Variants in IL1RAPL1 observed in about 807,000 individuals in gnomAD.
IL1RAPL1 encodes interleukin-1 receptor accessory protein-like 1.
In IL1RAPL1, 3 loss-of-function variants were observed where a neutral mutation model predicts 48.4. The observed-to-expected ratio is 0.06, with a 90% CI of 0.03 to 0.16. The LOEUF (loss-of-function observed/expected upper bound fraction) is 0.16. Ranked by LOEUF, IL1RAPL1 falls within the 10% of genes least tolerant of loss-of-function variation. The probability of loss-of-function intolerance (pLI) is 1.00; values close to 1 mark genes in which losing one functional copy is unlikely to be tolerated. For synonymous variants in IL1RAPL1, 185 were observed against 187.7 expected (o/e 0.99, Z 0.12); for missense variants, 349 against 530.6 (o/e 0.66, Z 3.36).
chrX:29,317,492 A>G (rs1932774426), intron 3 of IL1RAPL1, among the ~76,000 whole-genome samples: 1 of 112,230 alleles, frequency 8.9e-6, no homozygotes, highest in Admixed American at 9.5e-5. Flanking sequence ...TTAGAATAGC[A>G]TCTACAGATA....
intron 5 of IL1RAPL1, among the ~76,000 whole-genome samples, chrX:29,562,836 A>AGT (rs1922282292): frequency 1.8e-5 from 2 of 111,966 alleles, no homozygotes; most frequent in Non-Finnish European, 3.8e-5. Flanking sequence ...ACAGATAAAA[A>AGT]GGCTTTCATT....
chrX:29,317,523 T>C (rs1237813667), intron 3 of IL1RAPL1, among the ~76,000 whole-genome samples: 4 of 112,325 alleles, frequency 3.6e-5, no homozygotes, highest in Admixed American at 2.8e-4. Context: ...GGATAAAAAT[T>C]GTAACTGTGA....
At position 29,418,090 on chromosome X, in the gene IL1RAPL1, AATATATATATATAT is replaced by A. The variant is rs1184407912; in HGVS notation, c.703+18805_703+18818del. The stretch of plus-strand genomic sequence containing the variant: ...AGAAACGTGTTCTTTTTAAAAAAGT[AATATATATATATAT>A]ATATATATATATATATATATATTTT... On this transcript the variant is annotated intron_variant, in intron 5 of 10. Coordinates refer to ENST00000378993, the MANE Select transcript of IL1RAPL1 (RefSeq NM_014271.4). Among the ~76,000 whole-genome samples the A allele has an allele frequency of 2.8e-3, 141 of 50,981 alleles. 4 individuals carry two copies. The highest frequency in any genetic ancestry group is 3.8e-3 in the Non-Finnish European group (118 of 31,240). The allele number at this position is 50,981 out of a possible 115,157, so 44.3% of individuals were successfully genotyped here.
chrX:29,235,351 C>T (rs1321625556), intron 2 of IL1RAPL1, among the ~76,000 whole-genome samples: 2 of 111,625 alleles, frequency 1.8e-5, no homozygotes, highest in East Asian at 5.6e-4. Flanking sequence ...CCAGGCTTTT[C>T]TCTTTGAATT....
chrX:29,652,712 G>C (rs905081060), intron 5 of IL1RAPL1, among the ~76,000 whole-genome samples: 1 of 111,725 alleles, frequency 9.0e-6, no homozygotes, highest in Non-Finnish European at 1.9e-5. Context: ...GCCAAGATGA[G>C]CAAAGCCACA....
chrX:29,810,365 A>G (rs1280120970), intron 6 of IL1RAPL1, among the ~76,000 whole-genome samples: 2 of 109,055 alleles, frequency 1.8e-5, no homozygotes, highest in Non-Finnish European at 3.8e-5. Flanking sequence ...AATTTTTTGT[A>G]TTTTTAGTAG....
At chrX:29,198,718 C>CA (rs1259124547) in intron 2 of IL1RAPL1, among the ~76,000 whole-genome samples, 1 of 111,443 alleles carries the variant, frequency 9.0e-6, no homozygotes, top group Non-Finnish European at 1.9e-5. Flanking sequence ...CAGTATTTCT[C>CA]AGAGTGGCTT....
intron 6 of IL1RAPL1, among the ~76,000 whole-genome samples, chrX:29,801,736 A>G (rs187459084): frequency 8.9e-6 from 1 of 111,955 alleles, no homozygotes; most frequent in African/African-American, 3.2e-5. Context: ...GTCCTTAACT[A>G]AGATCGATCA....
chrX:29,338,196 G>A (rs923099945), intron 3 of IL1RAPL1, among the ~76,000 whole-genome samples: 1 of 110,827 alleles, frequency 9.0e-6, no homozygotes, highest in African/African-American at 3.3e-5. Flanking sequence ...TAAAGTGTGT[G>A]AGAGGCATAT....
At chrX:29,286,227 C>T (rs1480336891) in intron 3 of IL1RAPL1, among the ~76,000 whole-genome samples, 1 of 111,764 alleles carries the variant, frequency 8.9e-6, no homozygotes, top group Admixed American at 9.5e-5. Context: ...TAATACCACA[C>T]AATTCTTTGC....
At chrX:29,527,326 CTTTTTTTTTTTTTTTTTTTTTTTTTT>C (rs61003668) in intron 5 of IL1RAPL1, among the ~76,000 whole-genome samples, 4 of 25,566 alleles carry the variant, frequency 1.6e-4, no homozygotes, top group Admixed American at 1.5e-3. Flanking sequence ...GGGAAGGACT[CTTTTTTTTTTTTTTTTTTTTTTTTTT>C]TTTTGAGACG....
intron 6 of IL1RAPL1, among the ~76,000 whole-genome samples, chrX:29,791,231 A>C (rs755094495): frequency 5.5e-5 from 6 of 110,021 alleles, no homozygotes; most frequent in African/African-American, 6.6e-5. Context: ...CCCCAACCCC[A>C]TTACAAGTTT....
At chrX:28,952,806 A>C (rs1471079831) in intron 2 of IL1RAPL1, among the ~76,000 whole-genome samples, 1 of 111,709 alleles carries the variant, frequency 9.0e-6, no homozygotes, top group African/African-American at 3.2e-5. Context: ...ACAAAGGCAG[A>C]TCTTCAATAT....
At chrX:29,041,877 C>G (rs940230932) in intron 2 of IL1RAPL1, among the ~76,000 whole-genome samples, 1 of 111,803 alleles carries the variant, frequency 8.9e-6, no homozygotes, top group African/African-American at 3.2e-5. Flanking sequence ...ATAATATCCT[C>G]CTTATCGAAA....
At chrX:29,288,388 C>T (rs985887507) in intron 3 of IL1RAPL1, among the ~76,000 whole-genome samples, 7 of 111,387 alleles carry the variant, frequency 6.3e-5, no homozygotes, top group African/African-American at 2.3e-4. Context: ...TCAGTTCCTA[C>T]TTATAAGCGA....
At chrX:29,045,354 A>G (rs1297243763) in intron 2 of IL1RAPL1, among the ~76,000 whole-genome samples, 1 of 112,679 alleles carries the variant, frequency 8.9e-6, no homozygotes, top group African/African-American at 3.2e-5. Context: ...GAGTAAATGA[A>G]AACATGGCAA....
intron 2 of IL1RAPL1, among the ~76,000 whole-genome samples, chrX:28,813,162 T>C: frequency 8.9e-6 from 1 of 111,747 alleles, no homozygotes; most frequent in African/African-American, 3.2e-5. Flanking sequence ...CAGATATTCC[T>C]TCTTTTCTAA....
At position 28,888,583 on chromosome X, in the gene IL1RAPL1, T is replaced by G. The variant is rs111779007; in HGVS notation, c.82+99158T>G. Among the ~76,000 whole-genome samples, 532 of 110,983 alleles carry G rather than the reference T, an allele frequency of 4.8e-3. 2 individuals are homozygous for G. The highest frequency in any genetic ancestry group is 0.017 in the African/African-American group (512 of 30,550). ...CATGTTTCATCATAAATGGGAGAAA[T>G]AATACTGGAGTTGTGGAGGCAGGGG... On this transcript the variant is annotated intron_variant, in intron 2 of 10. Transcript: ENST00000378993.
chrX:29,859,315 C>T (rs1432932980), intron 6 of IL1RAPL1, among the ~76,000 whole-genome samples: 1 of 111,871 alleles, frequency 8.9e-6, no homozygotes, highest in Non-Finnish European at 1.9e-5. Flanking sequence ...CATCCAGTCA[C>T]CTAAATTAAG....
Sources: allele counts gnomAD v4.1 joint callset (sites outside exome capture counted in the v4.1 genomes callset), GRCh38; gene constraint gnomAD v4.1.1; transcripts MANE v1.5; gene names NCBI Gene and HGNC (gene_info 2026-07-23, HGNC 2026-07-21).